DNAH11: variants seen among roughly 807,000 people sequenced by gnomAD.
DNAH11 encodes the protein axonemal beta dynein heavy chain 11.
In DNAH11, 442 loss-of-function variants were observed where a neutral mutation model predicts 526.0. The ratio of observed to expected loss-of-function variants is 0.84; its 90% confidence interval spans 0.78 to 0.91. DNAH11 has a LOEUF of 0.91. Among genes scored for constraint, DNAH11 ranks in the 40% least tolerant of loss-of-function variants. DNAH11 has a pLI of 0.00. For missense variants in DNAH11, 6,989 were observed against 5,448.7 expected (o/e 1.28, Z -8.90); for synonymous variants, 2,461 against 1,935.9 (o/e 1.27, Z -7.12).
Position 21,589,328 on chromosome 7 carries a change from T to C in DNAH11, c.2094T>C (p.Cys698=). The change falls in exon 12 of 82, where the codon TGT becomes TGC. Residue 698 remains cysteine (C), a synonymous_variant. Coordinates refer to ENST00000409508, the MANE Select transcript of DNAH11 (RefSeq NM_001277115.2). Reference sequence around the variant, plus strand: ...GGAAAAGTAATGTGGATGAAATCTGTGAATTCAATTTGAATCAACCCTTGG... The same window carrying C: ...GGAAAAGTAATGTGGATGAAATCTGCGAATTCAATTTGAATCAACCCTTGG... The part of the protein sequence containing the change: ...NEWKSNVDEI[C]EFNLNQPLVK... 4 of 1,610,522 alleles carry C rather than the reference T, an allele frequency of 2.5e-6. No homozygotes were observed. The highest frequency in any genetic ancestry group is 3.4e-6 in the Non-Finnish European group (4 of 1,178,562).
chr7:21,789,429 C>A, intron 61 of DNAH11, 87 bp downstream of exon 61: 1 of 779,604 alleles, frequency 1.3e-6, no homozygotes, highest in Non-Finnish European at 2.1e-6. Flanking sequence ...AGCACCATAT[C>A]TGAGCCCTAT....
chr7:21,650,427 T>C (rs866567634), intron 28 of DNAH11, among the ~76,000 whole-genome samples: 32 of 152,200 alleles, frequency 2.1e-4, no homozygotes, highest in Admixed American at 1.4e-3. Context: ...GTTTGTGAGT[T>C]ATAACATATA....
At chr7:21,779,680 G>T (rs1272319829) in intron 57 of DNAH11, among the ~76,000 whole-genome samples, 1 of 152,132 alleles carries the variant, frequency 6.6e-6, no homozygotes, top group Non-Finnish European at 1.5e-5. Flanking sequence ...TAGCAATTCT[G>T]AAATAAGTAC....
chr7:21,866,594 A>G lies in DNAH11; in HGVS notation c.11621A>G (p.Lys3874Arg), dbSNP rs758181910. The G allele has an allele frequency of 6.2e-7, 1 of 1,613,874 alleles. No homozygotes were observed. The highest frequency in any genetic ancestry group is 1.3e-5 in the African/African-American group (1 of 74,944). ...EKEKLPQEWKKKSLIQKLILL... is the reference protein window; with the variant it reads ...EKEKLPQEWKRKSLIQKLILL... The stretch of plus-strand genomic sequence containing the variant: ...GAAAAATTACCTCAAGAATGGAAGA[A>G]GAAAAGTTTAATACAGAAGCTGATT... Residue 3874 changes from lysine (K) to arginine (R), a missense_variant, in exon 71 of 82, where the codon AAG becomes AGG. Physicochemically the swap from Lys to Arg is conservative, Grantham distance 26 (BLOSUM62 2). Coordinates refer to ENST00000409508, the MANE Select transcript of DNAH11 (RefSeq NM_001277115.2).
At chr7:21,752,227 C>G (rs1335034066) in intron 54 of DNAH11, among the ~76,000 whole-genome samples, 1 of 152,186 alleles carries the variant, frequency 6.6e-6, no homozygotes, top group Non-Finnish European at 1.5e-5. Flanking sequence ...GGATAAATTC[C>G]TAGAATGGAT....
At chr7:21,551,594 G>T (rs1328256679) in intron 2 of DNAH11, among the ~76,000 whole-genome samples, 1 of 152,178 alleles carries the variant, frequency 6.6e-6, no homozygotes, top group Non-Finnish European at 1.5e-5. Flanking sequence ...GGGCTGACCA[G>T]CTATTAGGTA....
At chr7:21,843,560 A>C (rs1207411372) in intron 66 of DNAH11, among the ~76,000 whole-genome samples, 1 of 149,496 alleles carries the variant, frequency 6.7e-6, no homozygotes, top group African/African-American at 2.5e-5. Context: ...GGCTCACTGC[A>C]ACCTCCGCCT....
chr7:21,639,226 G>A (rs1787012562), intron 28 of DNAH11, among the ~76,000 whole-genome samples, 161 bp downstream of exon 28: 1 of 152,194 alleles, frequency 6.6e-6, no homozygotes, highest in Non-Finnish European at 1.5e-5. Flanking sequence ...GTCAGAGGCT[G>A]TGCAAAAGGG....
chr7:21,671,849 A>G (rs1046768381), intron 30 of DNAH11, among the ~76,000 whole-genome samples: 4 of 152,214 alleles, frequency 2.6e-5, no homozygotes, highest in African/African-American at 9.6e-5. Context: ...CTTAATGGTG[A>G]AACATTAGAA....
At chr7:21,623,099 A>G (rs985561343) in intron 25 of DNAH11, among the ~76,000 whole-genome samples, 4 of 151,818 alleles carry the variant, frequency 2.6e-5, no homozygotes, top group African/African-American at 9.7e-5. Flanking sequence ...CAGAATCTAC[A>G]ATGAACTCAA....
chr7:21,658,601 G>A (rs1028844619), intron 29 of DNAH11, among the ~76,000 whole-genome samples, 197 bp from the exon 30 acceptor site: 1 of 152,064 alleles, frequency 6.6e-6, no homozygotes, highest in Non-Finnish European at 1.5e-5. Flanking sequence ...GGAGAAGGCG[G>A]GTTCCTGCAG....
chr7:21,635,232 C>A (rs997905750), intron 25 of DNAH11, among the ~76,000 whole-genome samples: 1 of 152,130 alleles, frequency 6.6e-6, no homozygotes, highest in African/African-American at 2.4e-5. Context: ...TCTCAGCTCA[C>A]TGCAAGCTCC....
intron 34 of DNAH11, among the ~76,000 whole-genome samples, chr7:21,687,824 G>A (rs1302548751): frequency 2.0e-5 from 3 of 152,156 alleles, no homozygotes; most frequent in Non-Finnish European, 2.9e-5. Context: ...GGAGTTTGAG[G>A]CGAGAGGATT....
intron 15 of DNAH11, 69 bp downstream of exon 15, chr7:21,600,188 G>T: frequency 7.4e-7 from 1 of 1,356,274 alleles, no homozygotes; most frequent in Admixed American, 2.6e-5. Context: ...GGCTGAGTAT[G>T]GTAGCTCATG....
intron 25 of DNAH11, among the ~76,000 whole-genome samples, chr7:21,635,219 T>G (rs940834927): frequency 6.6e-6 from 1 of 152,064 alleles, no homozygotes; most frequent in Non-Finnish European, 1.5e-5. Flanking sequence ...TGCAGTGGCG[T>G]GATCTCAGCT....
chr7:21,639,549 C>T (rs1258807017), intron 28 of DNAH11, among the ~76,000 whole-genome samples: 3 of 152,232 alleles, frequency 2.0e-5, no homozygotes, highest in African/African-American at 7.2e-5. Context: ...AATTAACCCT[C>T]TAATTTTCCC....
chr7:21,614,119 A>G (rs1170830767), intron 20 of DNAH11, among the ~76,000 whole-genome samples: 1 of 152,118 alleles, frequency 6.6e-6, no homozygotes, highest in Non-Finnish European at 1.5e-5. Context: ...AAATATATAC[A>G]ATTTTTATTT....
chr7:21,764,422 C>T (rs1787080553), intron 54 of DNAH11, among the ~76,000 whole-genome samples: 1 of 152,056 alleles, frequency 6.6e-6, no homozygotes, highest in African/African-American at 2.4e-5. Context: ...TAGAGGCAGC[C>T]ACAAAGCTTG....
At chr7:21,809,088 T>TTA (rs1438104928) in intron 63 of DNAH11, among the ~76,000 whole-genome samples, 1 of 152,212 alleles carries the variant, frequency 6.6e-6, no homozygotes, top group Non-Finnish European at 1.5e-5. Flanking sequence ...TGAGGTGAAA[T>TTA]TATATCTCAC....
Sources: gnomAD v4.1 joint callset for allele counts (sites outside exome capture counted in the v4.1 genomes callset) on GRCh38, gnomAD v4.1.1 for gene constraint, MANE v1.5 for transcripts, NCBI Gene and HGNC (gene_info 2026-07-23, HGNC 2026-07-21) for gene names.